The following SH3D19 variants were observed in gnomAD, a reference collection of about 807,000 sequenced individuals.
The protein encoded by SH3D19 is SH3 domain containing 19, also known as SH3 domain-containing protein 19.
A neutral mutation model predicts 112.1 loss-of-function variants in SH3D19; 58 were observed. The observed-to-expected ratio is 0.52, with a 90% CI of 0.42 to 0.64. SH3D19 has a LOEUF of 0.64. Ranked by LOEUF, SH3D19 falls within the 30% of genes least tolerant of loss-of-function variation. The pLI, the probability that SH3D19 is intolerant of heterozygous loss-of-function variation, is 0.00. For synonymous variants in SH3D19, 391 were observed against 448.5 expected (o/e 0.87, Z 1.62); for missense variants, 1,090 against 1,263.4 (o/e 0.86, Z 2.08).
chr4:151,295,966 G>A (rs1775676339), intron 1 of SH3D19, among the ~76,000 whole-genome samples: 1 of 151,750 alleles, frequency 6.6e-6, no homozygotes, highest in South Asian at 2.1e-4. Context: ...AACCCAGGAG[G>A]CGGAGGTTGC....
chr4:151,190,352 G>A (rs1179338521), intron 2 of SH3D19, among the ~76,000 whole-genome samples: 1 of 152,164 alleles, frequency 6.6e-6, no homozygotes, highest in African/African-American at 2.4e-5. Flanking sequence ...AAGTAACAAG[G>A]GGCCAAATGT....
At chr4:151,239,278 T>G (rs1337004180) in intron 1 of SH3D19, among the ~76,000 whole-genome samples, 1 of 152,168 alleles carries the variant, frequency 6.6e-6, no homozygotes, top group Non-Finnish European at 1.5e-5. Context: ...TTATATCCCT[T>G]GAAATGCCTG....
chr4:151,124,683 C>T (rs1336842181), intron 19 of SH3D19, among the ~76,000 whole-genome samples: 2 of 151,918 alleles, frequency 1.3e-5, no homozygotes, highest in East Asian at 3.9e-4. Context: ...GCGCCGCTGA[C>T]TGCACTCCAG....
chr4:151,134,994 G>A, intron 15 of SH3D19, 80 bp downstream of exon 15: 1 of 1,246,514 alleles, frequency 8.0e-7, no homozygotes, highest in Non-Finnish European at 1.2e-6. Flanking sequence ...GCCTTGGAGT[G>A]TTTTAAGCTT....
intron 1 of SH3D19, among the ~76,000 whole-genome samples, chr4:151,321,903 G>A (rs980435172): frequency 3.3e-5 from 5 of 152,134 alleles, no homozygotes; most frequent in African/African-American, 1.2e-4. Context: ...TGTTTGTAAT[G>A]GGCATTTGGT....
At chr4:151,325,211 C>T in intron 1 of SH3D19, 30 bp downstream of exon 1, 1 of 1,178,924 alleles carries the variant, frequency 8.5e-7, no homozygotes, top group African/African-American at 1.6e-5. Context: ...AGCTCTGGGT[C>T]CCCGCCGCCC....
intron 10 of SH3D19, among the ~76,000 whole-genome samples, chr4:151,148,965 G>T (rs1408075123): frequency 6.6e-6 from 1 of 152,138 alleles, no homozygotes; most frequent in Non-Finnish European, 1.5e-5. Flanking sequence ...TTGAACCCGG[G>T]AGGCGGAGGT....
intron 2 of SH3D19, among the ~76,000 whole-genome samples, chr4:151,189,711 CTG>C (rs1004815108): frequency 5.9e-5 from 9 of 152,290 alleles, no homozygotes; most frequent in African/African-American, 2.2e-4. Context: ...CCATGTGGAA[CTG>C]TGAGTCCAAA....
chr4:151,133,129 C>G lies in SH3D19; in HGVS notation c.2594G>C (p.Trp865Ser). 1 of 1,614,164 alleles carries G rather than the reference C, an allele frequency of 6.2e-7. No individual in the cohort carries two copies. The highest frequency in any genetic ancestry group is 8.5e-7 in the Non-Finnish European group (1 of 1,180,006). ...IILKEYVNEE[W>S]ARGEVRGRTG... Reference sequence around the variant, plus strand: ...TCTGCCTCGAACTTCTCCTCTGGCCCATTCCTCATTCACATACTCTTTAAG... The same window carrying G: ...TCTGCCTCGAACTTCTCCTCTGGCCGATTCCTCATTCACATACTCTTTAAG... The change falls in exon 16 of 20, where the codon TGG (tryptophan) becomes TCG (serine). Residue 865 changes from tryptophan to serine, a missense_variant. Coordinates refer to ENST00000604030, the MANE Select transcript of SH3D19 (RefSeq NM_001378122.1).
intron 16 of SH3D19, among the ~76,000 whole-genome samples, 160 bp downstream of exon 16, chr4:151,132,874 C>T (rs773030441): frequency 3.9e-5 from 6 of 152,158 alleles, no homozygotes; most frequent in Non-Finnish European, 8.8e-5. Flanking sequence ...GAGATGCCCA[C>T]AAATAATGTC....
chr4:151,222,449 T>C (rs1327165462), intron 2 of SH3D19, among the ~76,000 whole-genome samples: 1 of 152,178 alleles, frequency 6.6e-6, no homozygotes, highest in Admixed American at 6.5e-5. Context: ...ATTAATACTT[T>C]GGCATATATC....
At chr4:151,255,829 G>A (rs992026371) in intron 1 of SH3D19, among the ~76,000 whole-genome samples, 9 of 152,370 alleles carry the variant, frequency 5.9e-5, no homozygotes, top group South Asian at 2.1e-4. Flanking sequence ...GCTGGAGACC[G>A]GCCTGGCCAA....
In SH3D19 at chr4:151,148,288, CAG is replaced by C. The variant is rs1554036995; in HGVS notation, c.1818-104_1818-103del. ...ACACACACACACACACACACACACACAGAGACACAGCTTTCTGCTAGTGGAAT... is the reference window on the plus strand; with the variant it reads ...ACACACACACACACACACACACACACAGACACAGCTTTCTGCTAGTGGAAT... On this transcript the variant is annotated intron_variant, in intron 10 of 19. Transcript: ENST00000604030. 83 of 824,192 alleles carry C rather than the reference CAG, an allele frequency of 1.0e-4. No homozygotes were observed. In the Admixed American group the frequency reaches 1.6e-3, roughly 16 times the overall value. The allele number at this position is 824,192 out of a possible 1,614,324, so 51.1% of individuals were successfully genotyped here.
chr4:151,180,401 AT>A (rs1175377982), intron 3 of SH3D19, among the ~76,000 whole-genome samples: 12 of 124,740 alleles, frequency 9.6e-5, no homozygotes, highest in African/African-American at 3.3e-4. Flanking sequence ...ATATGGGGTC[AT>A]TTTTTTTTCT....
chr4:151,212,995 T>C (rs1278835022), intron 2 of SH3D19, among the ~76,000 whole-genome samples: 1 of 152,156 alleles, frequency 6.6e-6, no homozygotes, highest in East Asian at 1.9e-4. Context: ...GTGGAGGAAG[T>C]AACTGCAGAT....
At chr4:151,325,018 T>C (rs1032964651) in intron 1 of SH3D19, among the ~76,000 whole-genome samples, 1 of 152,174 alleles carries the variant, frequency 6.6e-6, no homozygotes, top group African/African-American at 2.4e-5. Context: ...GTTTCAGCTG[T>C]ACGACCACTA....
At chr4:151,196,844 A>G (rs932589520) in intron 2 of SH3D19, among the ~76,000 whole-genome samples, 19 of 152,350 alleles carry the variant, frequency 1.2e-4, no homozygotes, top group African/African-American at 4.6e-4. Flanking sequence ...GCATGAATAG[A>G]CAATTCTCAA....
At chr4:151,270,980 G>A (rs953704913) in intron 1 of SH3D19, among the ~76,000 whole-genome samples, 5 of 152,138 alleles carry the variant, frequency 3.3e-5, no homozygotes, top group Admixed American at 1.3e-4. Context: ...CTGGAGTGTA[G>A]TGTCCCAATC....
intron 1 of SH3D19, among the ~76,000 whole-genome samples, chr4:151,290,890 TA>T (rs1775264505): frequency 6.6e-6 from 1 of 152,310 alleles, no homozygotes; most frequent in African/African-American, 2.4e-5. Flanking sequence ...CACAGACAAA[TA>T]TTTTGAAATT....
Sources: allele counts gnomAD v4.1 joint callset (sites outside exome capture counted in the v4.1 genomes callset), GRCh38; gene constraint gnomAD v4.1.1; transcripts MANE v1.5; gene names NCBI Gene and HGNC (gene_info 2026-07-23, HGNC 2026-07-21).